TENM2: variants seen among roughly 807,000 people sequenced by gnomAD.
The protein encoded by TENM2 is teneurin-2.
TENM2 carries 52 observed loss-of-function variants against 245.2 expected under a neutral mutation model. The observed-to-expected ratio is 0.21, with a 90% CI of 0.17 to 0.27. The LOEUF (loss-of-function observed/expected upper bound fraction) is 0.27. TENM2 is among the 10% of genes least tolerant of loss of function. The pLI is 1.00. For synonymous variants in TENM2, 1,363 were observed against 1,438.9 expected (o/e 0.95, Z 1.19); for missense variants, 3,046 against 3,666.8 (o/e 0.83, Z 4.37).
chr5:167,334,060 T>C (rs187887739), intron 1 of TENM2, among the ~76,000 whole-genome samples: 99 of 152,302 alleles, frequency 6.5e-4, no homozygotes, highest in Admixed American at 1.4e-3. Flanking sequence ...ATTTATTGAA[T>C]CTTTCCTGTG....
chr5:167,925,749 A>G (rs371114267), intron 3 of TENM2, among the ~76,000 whole-genome samples: 120 of 152,344 alleles, frequency 7.9e-4, no homozygotes, highest in Middle Eastern at 3.4e-3. Context: ...TGTGGTACAT[A>G]TACACCATGG....
At chr5:167,367,787 A>T (rs1760149881) in intron 1 of TENM2, among the ~76,000 whole-genome samples, 1 of 152,090 alleles carries the variant, frequency 6.6e-6, no homozygotes, top group African/African-American at 2.4e-5. Context: ...TTTCATTTTG[A>T]TTTGTCAAAC....
intron 2 of TENM2, among the ~76,000 whole-genome samples, chr5:167,536,308 G>A (rs1771839465): frequency 6.6e-6 from 1 of 152,138 alleles, no homozygotes; most frequent in African/African-American, 2.4e-5. Context: ...CCCAAAGGGT[G>A]TACTAAGCTA....
chr5:167,357,494 A>G (rs1417747982), intron 1 of TENM2, among the ~76,000 whole-genome samples: 1 of 152,002 alleles, frequency 6.6e-6, no homozygotes, highest in Non-Finnish European at 1.5e-5. Context: ...TCCTGACCTC[A>G]GGTGATCCTC....
At chr5:167,318,108 T>TGG (rs1209712880) in intron 1 of TENM2, among the ~76,000 whole-genome samples, 2 of 152,148 alleles carry the variant, frequency 1.3e-5, no homozygotes, top group African/African-American at 4.8e-5. Context: ...AGAATGCAGA[T>TGG]GGTGTGTTCC....
intron 2 of TENM2, among the ~76,000 whole-genome samples, chr5:167,558,529 G>T (rs1422166975): frequency 6.6e-6 from 1 of 152,172 alleles, no homozygotes; most frequent in African/African-American, 2.4e-5. Flanking sequence ...TGTCAGATCA[G>T]CAGCAGCAGC....
intron 2 of TENM2, among the ~76,000 whole-genome samples, chr5:167,700,384 C>A (rs985386843): frequency 6.6e-6 from 1 of 152,216 alleles, no homozygotes; most frequent in African/African-American, 2.4e-5. Flanking sequence ...ATCCCCACAA[C>A]CCTTGGGCAG....
At chr5:167,643,349 A>G (rs1458399420) in intron 2 of TENM2, among the ~76,000 whole-genome samples, 1 of 152,036 alleles carries the variant, frequency 6.6e-6, no homozygotes, top group African/African-American at 2.4e-5. Flanking sequence ...GTTTCTGGAT[A>G]TTTCCTACCA....
At chr5:167,207,541 A>G in the TENM2 span, among the ~76,000 whole-genome samples, 4 of 152,168 alleles carry the variant, frequency 2.6e-5, no homozygotes, top group African/African-American at 9.6e-5. Context: ...TAGGTTCACA[A>G]ATCATCACTT....
At chr5:167,342,871 T>C (rs1298237512) in intron 1 of TENM2, among the ~76,000 whole-genome samples, 2 of 151,964 alleles carry the variant, frequency 1.3e-5, no homozygotes, top group African/African-American at 4.8e-5. Context: ...TTTTTTTTTT[T>C]TTTGAAGAAA....
At chr5:167,940,725 C>T (rs143911755) in intron 3 of TENM2, among the ~76,000 whole-genome samples, 1,897 of 152,218 alleles carry the variant, frequency 0.012, 26 homozygotes, top group South Asian at 0.017. Context: ...AGGAAAGAGA[C>T]GAACCTAGGC....
intron 2 of TENM2, among the ~76,000 whole-genome samples, chr5:167,497,615 C>G (rs935028615): frequency 1.1e-4 from 16 of 151,934 alleles, no homozygotes; most frequent in African/African-American, 3.9e-4. Context: ...TACCTAAAGA[C>G]CCCCCGCAGT....
intron 5 of TENM2, among the ~76,000 whole-genome samples, chr5:168,017,706 T>C (rs921001506): frequency 1.3e-5 from 2 of 152,220 alleles, no homozygotes; most frequent in African/African-American, 4.8e-5. Flanking sequence ...TTGGTCAATG[T>C]GGGTCACCTT....
chr5:167,140,855 T>A, the TENM2 span, among the ~76,000 whole-genome samples: 1 of 152,098 alleles, frequency 6.6e-6, no homozygotes, highest in Non-Finnish European at 1.5e-5. Context: ...TCAACTAGGC[T>A]TAATAAAGAC....
chr5:168,148,003 G>A (rs1756258666), intron 12 of TENM2, among the ~76,000 whole-genome samples: 1 of 152,216 alleles, frequency 6.6e-6, no homozygotes, highest in African/African-American at 2.4e-5. Context: ...GGTTAGAGAT[G>A]CGAGCATTCC....
intron 2 of TENM2, among the ~76,000 whole-genome samples, chr5:167,553,607 T>G (rs1320643054): frequency 6.6e-6 from 1 of 151,994 alleles, no homozygotes; most frequent in Non-Finnish European, 1.5e-5. Flanking sequence ...ACGTCATATG[T>G]GATGAAGAAA....
the TENM2 span, among the ~76,000 whole-genome samples, chr5:167,002,524 C>T: frequency 7.2e-5 from 11 of 151,774 alleles, no homozygotes; most frequent in Non-Finnish European, 1.2e-4. Flanking sequence ...TAATGAATAG[C>T]CCGGGTGTGG....
Position 167,557,180 on chromosome 5 carries a change from C to G in TENM2, c.502+181707C>G, listed in dbSNP as rs139484253. 3.3e-4 allele frequency among the ~76,000 whole-genome samples: 50 copies of G among 152,136 alleles called. No homozygotes were observed. In the East Asian group the frequency reaches 9.7e-3, roughly 29 times the overall value. The stretch of plus-strand genomic sequence containing the variant: ...CCATATTTGAATTTCTTATCAAGTA[C>G]CTTATATGCTTCTTTGTGAGTTTTT... On this transcript the variant is annotated intron_variant, in intron 2 of 28. Coordinates refer to ENST00000518659, the Ensembl canonical transcript of TENM2.
intron 2 of TENM2, among the ~76,000 whole-genome samples, chr5:167,682,555 T>A (rs963558555): frequency 6.6e-6 from 1 of 152,156 alleles, no homozygotes. Flanking sequence ...TTTTGAAAAA[T>A]TATTCTTCTT....
Sources: allele counts gnomAD v4.1 joint callset (sites outside exome capture counted in the v4.1 genomes callset), GRCh38; gene constraint gnomAD v4.1.1; transcripts MANE v1.5; gene names NCBI Gene and HGNC (gene_info 2026-07-23, HGNC 2026-07-21).